RNPC3: variants seen among roughly 807,000 people sequenced by gnomAD.
RNPC3 encodes the protein RNA-binding region-containing protein 3.
RNPC3 carries 48 observed loss-of-function variants against 67.5 expected under a neutral mutation model. That is an observed-to-expected ratio of 0.71 (90% confidence interval 0.56 to 0.90). The LOEUF (loss-of-function observed/expected upper bound fraction) is 0.90, where lower values mean the gene tolerates loss of function less well. Among genes scored for constraint, RNPC3 ranks in the 40% least tolerant of loss-of-function variants. The probability of loss-of-function intolerance (pLI) is 0.00; values close to 1 mark genes in which losing one functional copy is unlikely to be tolerated. For synonymous variants in RNPC3, 239 were observed against 210.3 expected, an observed-to-expected ratio of 1.14 and a Z score of -1.18; for missense variants, 637 against 626.1, an observed-to-expected ratio of 1.02 and a Z score of -0.19.
intron 7 of RNPC3, among the ~76,000 whole-genome samples, chr1:103,537,756 T>C (rs1034453489): frequency 3.3e-5 from 5 of 152,156 alleles, no homozygotes; most frequent in African/African-American, 9.7e-5. Flanking sequence ...TTGTTATTTG[T>C]GGATTCCATA....
chr1:103,529,996 G>T (rs1650809317), intron 2 of RNPC3, among the ~76,000 whole-genome samples: 1 of 152,080 alleles, frequency 6.6e-6, no homozygotes, highest in Admixed American at 6.5e-5. Flanking sequence ...CTCTCAATGA[G>T]AATCTGACTA....
At chr1:103,553,253 C>T (rs1272252036) in intron 14 of RNPC3, 1 of 152,150 alleles carries the variant, frequency 6.6e-6, no homozygotes, top group Admixed American at 6.5e-5. Context: ...AATTAAACTG[C>T]ATTCTGCTGT....
At chr1:103,551,944 A>C in intron 14 of RNPC3, 152 bp downstream of exon 14, 1 of 480,654 alleles carries the variant, frequency 2.1e-6, no homozygotes, top group Non-Finnish European at 3.7e-6. Context: ...TAAACGTCAA[A>C]ACTATAACTA....
intron 1 of RNPC3, 70 bp from the exon 2 acceptor site, chr1:103,527,624 TA>T: frequency 8.3e-7 from 1 of 1,210,884 alleles, no homozygotes; most frequent in Admixed American, 2.0e-5. Context: ...ACTCCACTGG[TA>T]AAAAGTCAGA....
At chr1:103,549,829 T>C (rs1395837804) in intron 12 of RNPC3, among the ~76,000 whole-genome samples, 2 of 152,152 alleles carry the variant, frequency 1.3e-5, no homozygotes, top group Admixed American at 6.5e-5. Flanking sequence ...TCATTGAGGT[T>C]CCTTTCTACT....
At position 103,541,425 on chromosome 1, in the gene RNPC3, A is replaced by G; in HGVS notation, c.843A>G (p.Lys281=). Residue 281 remains lysine, a synonymous_variant, in exon 8 of 15, where the codon AAA becomes AAG. Transcript: ENST00000423855. The part of the protein sequence containing the change: ...PKTIKQRHVR[K]KRKIKDMLNT... ...CAATAAAGCAGCGCCATGTGAGAAA[A>G]AAGAGAAAAATAAAGGATATGTTGA... is the stretch of plus-strand genomic sequence containing the variant. The G allele has an allele frequency of 6.7e-7, 1 of 1,494,154 alleles. No individual in the cohort carries two copies. Among genetic ancestry groups the G allele is most frequent in the Non-Finnish European group, 8.8e-7 (1 of 1,133,240 alleles). The allele number at this position is 1,494,154 out of a possible 1,614,324, so 92.6% of individuals were successfully genotyped here. A position where few individuals can be genotyped will look rare whatever the true frequency, so the allele number is the denominator to read the frequency against.
intron 7 of RNPC3, among the ~76,000 whole-genome samples, chr1:103,537,722 G>T (rs892095654): frequency 5.3e-5 from 8 of 152,032 alleles, no homozygotes; most frequent in African/African-American, 1.7e-4. Flanking sequence ...TGATGATTAT[G>T]GTATTATAAA....
chr1:103,535,220 T>C (rs1275170992), intron 4 of RNPC3, 110 bp from the exon 5 acceptor site: 2 of 654,438 alleles, frequency 3.1e-6, no homozygotes, highest in East Asian at 5.7e-5. Context: ...AAGGTAAATC[T>C]AATAGTACTG....
At chr1:103,550,496 C>A (rs1396164784) in intron 12 of RNPC3, among the ~76,000 whole-genome samples, 1 of 151,754 alleles carries the variant, frequency 6.6e-6, no homozygotes, top group Non-Finnish European at 1.5e-5. Context: ...AAAAAATTAG[C>A]CAGGCGTGGT....
intron 10 of RNPC3, 45 bp from the exon 11 acceptor site, chr1:103,546,203 T>C (rs1367326606): frequency 1.9e-5 from 18 of 949,760 alleles, no homozygotes; most frequent in Non-Finnish European, 1.6e-5. Flanking sequence ...AAAACTTGCT[T>C]AAAATATTTT....
intron 1 of RNPC3, 61 bp from the exon 2 acceptor site, chr1:103,527,634 G>T (rs1427632030): frequency 7.6e-7 from 1 of 1,322,456 alleles, no homozygotes; most frequent in Non-Finnish European, 1.1e-6. Flanking sequence ...TAAAAAGTCA[G>T]ATTTCTTTGT....
intron 8 of RNPC3, 111 bp from the exon 9 acceptor site, chr1:103,543,185 G>T (rs529673315): frequency 1.4e-6 from 1 of 703,252 alleles, no homozygotes; most frequent in Non-Finnish European, 2.1e-6. Flanking sequence ...CAAAAGTGTA[G>T]TGAGTCCTTT....
intron 14 of RNPC3, chr1:103,552,921 AAT>A (rs1444287725): frequency 6.6e-6 from 1 of 152,230 alleles, no homozygotes; most frequent in Non-Finnish European, 1.5e-5. Context: ...AAGCATTTTA[AAT>A]GTTAATGTTT....
At chr1:103,533,969 G>T (rs1650925642) in intron 3 of RNPC3, 112 bp downstream of exon 3, 1 of 656,934 alleles carries the variant, frequency 1.5e-6, no homozygotes, top group South Asian at 1.8e-5. Context: ...ATTGGAAGAG[G>T]AATGACAGAT....
chr1:103,529,926 T>G (rs1044507624), intron 2 of RNPC3, among the ~76,000 whole-genome samples: 1 of 152,166 alleles, frequency 6.6e-6, no homozygotes, highest in Non-Finnish European at 1.5e-5. Flanking sequence ...CCACCTCCAG[T>G]CAGATCAGCA....
intron 12 of RNPC3, among the ~76,000 whole-genome samples, chr1:103,547,802 A>G: frequency 6.6e-6 from 1 of 152,178 alleles, no homozygotes; most frequent in East Asian, 1.9e-4. Flanking sequence ...ATACCCGAGA[A>G]TGGGCAATTT....
chr1:103,553,159 T>C (rs1381888320), intron 14 of RNPC3: 1 of 152,204 alleles, frequency 6.6e-6, no homozygotes, highest in Non-Finnish European at 1.5e-5. Context: ...ACAAGTCTTA[T>C]AAACACTTTA....
At chr1:103,542,871 GTTTC>G (rs1651157331) in intron 8 of RNPC3, among the ~76,000 whole-genome samples, 1 of 151,566 alleles carries the variant, frequency 6.6e-6, no homozygotes, top group Non-Finnish European at 1.5e-5. Flanking sequence ...TATTTCATCT[GTTTC>G]TTTTCATGGT....
At chr1:103,530,925 A>G (rs1650833408) in intron 2 of RNPC3, among the ~76,000 whole-genome samples, 1 of 152,084 alleles carries the variant, frequency 6.6e-6, no homozygotes, top group South Asian at 2.1e-4. Context: ...GATTTCTGAG[A>G]TTTTGATGTA....
Sources: gnomAD v4.1 joint callset for allele counts (sites outside exome capture counted in the v4.1 genomes callset) on GRCh38, gnomAD v4.1.1 for gene constraint, MANE v1.5 for transcripts, NCBI Gene and HGNC (gene_info 2026-07-23, HGNC 2026-07-21) for gene names.